Variants in PTPRD observed in about 807,000 individuals in gnomAD.
The protein encoded by PTPRD is receptor-type tyrosine-protein phosphatase delta.
PTPRD carries 34 observed loss-of-function variants against 214.5 expected under a neutral mutation model. The observed-to-expected ratio is 0.16, with a 90% CI of 0.12 to 0.21. The LOEUF is 0.21. Among genes scored for constraint, PTPRD ranks in the 10% least tolerant of loss-of-function variants. The pLI is 1.00. For missense variants in PTPRD, 2,545 were observed against 2,398.7 expected (o/e 1.06, Z -1.27); for synonymous variants, 1,128 against 845.7 (o/e 1.33, Z -5.79).
intron 35 of PTPRD, among the ~76,000 whole-genome samples, chr9:8,414,268 T>C (rs2093733490): frequency 6.6e-6 from 1 of 152,186 alleles, no homozygotes; most frequent in South Asian, 2.1e-4. Context: ...ATAAAAGCCA[T>C]CTTTGACTTT....
intron 9 of PTPRD, among the ~76,000 whole-genome samples, chr9:9,385,519 A>G (rs2063600730): frequency 6.6e-6 from 1 of 152,148 alleles, no homozygotes; most frequent in African/African-American, 2.4e-5. Context: ...TATTTTCAGG[A>G]AAGTGTGTGA....
chr9:9,389,913 G>C (rs1204043022), intron 9 of PTPRD, among the ~76,000 whole-genome samples: 1 of 152,024 alleles, frequency 6.6e-6, no homozygotes, highest in African/African-American at 2.4e-5. Context: ...ATTAAAGGCT[G>C]GACAAATAAA....
intron 4 of PTPRD, among the ~76,000 whole-genome samples, chr9:9,970,419 G>C (rs1260030555): frequency 8.0e-6 from 1 of 125,756 alleles, no homozygotes; most frequent in African/African-American, 3.2e-5. Context: ...GCGACAGCGA[G>C]ACTCCTTCTC....
intron 8 of PTPRD, among the ~76,000 whole-genome samples, chr9:9,424,814 A>G (rs2080194468): frequency 1.3e-5 from 2 of 152,332 alleles, no homozygotes; most frequent in South Asian, 2.1e-4. Flanking sequence ...CAGCAAAAAT[A>G]AATCATTTAG....
intron 8 of PTPRD, among the ~76,000 whole-genome samples, chr9:9,449,735 T>C (rs2091569059): frequency 7.2e-6 from 1 of 139,226 alleles, no homozygotes; most frequent in African/African-American, 2.5e-5. Context: ...GCAGTCATTC[T>C]TTTTTTTTAA....
chr9:10,291,083 T>A (rs11793422), intron 3 of PTPRD, among the ~76,000 whole-genome samples: 1 of 151,734 alleles, frequency 6.6e-6, no homozygotes, highest in African/African-American at 2.4e-5. Context: ...GAGCATATAG[T>A]GAGATTCCTC....
intron 3 of PTPRD, among the ~76,000 whole-genome samples, chr9:10,307,199 A>C (rs1002607549): frequency 1.3e-5 from 2 of 148,480 alleles, no homozygotes; most frequent in African/African-American, 4.9e-5. Flanking sequence ...TTTACCAATT[A>C]AATAACCTGT....
intron 11 of PTPRD, among the ~76,000 whole-genome samples, chr9:8,749,486 G>A (rs901100832): frequency 6.6e-6 from 1 of 152,060 alleles, no homozygotes; most frequent in African/African-American, 2.4e-5. Context: ...CCATGACCAG[G>A]TGAAGTTTGG....
intron 6 of PTPRD, among the ~76,000 whole-genome samples, chr9:9,751,911 G>A (rs1381545865): frequency 1.3e-5 from 2 of 152,110 alleles, no homozygotes; most frequent in Non-Finnish European, 2.9e-5. Context: ...TGTCACACAG[G>A]ATAAGCTCTT....
At chr9:10,037,815 G>C (rs2097215477) in intron 3 of PTPRD, among the ~76,000 whole-genome samples, 1 of 152,082 alleles carries the variant, frequency 6.6e-6, no homozygotes, top group Admixed American at 6.6e-5. Context: ...TTTAAAGAGA[G>C]CTCAAATATC....
intron 3 of PTPRD, among the ~76,000 whole-genome samples, chr9:10,133,481 C>T (rs980876891): frequency 6.6e-6 from 1 of 151,956 alleles, no homozygotes; most frequent in Non-Finnish European, 1.5e-5. Flanking sequence ...AATATAAAAG[C>T]ATATACCTGT....
intron 8 of PTPRD, among the ~76,000 whole-genome samples, chr9:9,483,132 G>T (rs1271029204): frequency 2.6e-5 from 4 of 152,064 alleles, no homozygotes; most frequent in Non-Finnish European, 5.9e-5. Flanking sequence ...AAGCATTGTG[G>T]TACAATAAAT....
chr9:8,415,926 G>C (rs2093901403), intron 35 of PTPRD, among the ~76,000 whole-genome samples: 1 of 152,050 alleles, frequency 6.6e-6, no homozygotes, highest in Non-Finnish European at 1.5e-5. Flanking sequence ...ACCATATCAA[G>C]GTATTCTCAA....
chr9:10,204,993 T>C (rs555155601), intron 3 of PTPRD, among the ~76,000 whole-genome samples: 16 of 152,170 alleles, frequency 1.1e-4, no homozygotes, highest in Admixed American at 4.6e-4. Flanking sequence ...TACAAATTAA[T>C]ACTTTGAATG....
At chr9:8,858,427 C>T (rs2098003182) in intron 11 of PTPRD, 2 of 152,350 alleles carry the variant, frequency 1.3e-5, no homozygotes, top group Non-Finnish European at 2.9e-5. Flanking sequence ...CCGGTGCAGC[C>T]CAGTCTTTGG....
chr9:8,876,248 C>T (rs2098388903), intron 11 of PTPRD, among the ~76,000 whole-genome samples: 1 of 95,878 alleles, frequency 1.0e-5, no homozygotes, highest in South Asian at 4.0e-4. Context: ...GTTGTTTAAA[C>T]AGCTCATGAG....
intron 10 of PTPRD, among the ~76,000 whole-genome samples, chr9:9,182,360 T>C (rs1001989790): frequency 6.6e-6 from 1 of 152,034 alleles, no homozygotes; most frequent in African/African-American, 2.4e-5. Flanking sequence ...AAACTGAGGA[T>C]GCAAAATTTT....
intron 12 of PTPRD, among the ~76,000 whole-genome samples, chr9:8,711,654 G>T (rs888791924): frequency 6.6e-6 from 1 of 152,142 alleles, no homozygotes; most frequent in African/African-American, 2.4e-5. Context: ...TATTAGCCCA[G>T]ACCCCATCTA....
chr9:9,095,765 G>A (rs2099782613), intron 10 of PTPRD, among the ~76,000 whole-genome samples: 1 of 152,076 alleles, frequency 6.6e-6, no homozygotes, highest in Non-Finnish European at 1.5e-5. Context: ...TATACCCAAA[G>A]GAAATAAATC....
Sources: allele counts gnomAD v4.1 joint callset (sites outside exome capture counted in the v4.1 genomes callset), GRCh38; gene constraint gnomAD v4.1.1; transcripts MANE v1.5; gene names NCBI Gene and HGNC (gene_info 2026-07-23, HGNC 2026-07-21).